The following SPNS2 variants were observed in gnomAD, a reference collection of about 807,000 sequenced individuals.
SPNS2 encodes the protein sphingosine-1-phosphate transporter SPNS2.
In SPNS2, 37 loss-of-function variants were observed where a neutral mutation model predicts 57.6. The observed-to-expected ratio is 0.64, with a 90% CI of 0.49 to 0.85. The LOEUF is 0.85. Among genes scored for constraint, SPNS2 ranks in the 40% least tolerant of loss-of-function variants. The pLI, the probability that SPNS2 is intolerant of heterozygous loss-of-function variation, is 0.00. For synonymous variants in SPNS2, 440 were observed against 346.9 expected, an observed-to-expected ratio of 1.27 and a Z score of -2.98; for missense variants, 831 against 779.1, an observed-to-expected ratio of 1.07 and a Z score of -0.79.
At position 4,530,676 on chromosome 17, in the gene SPNS2, G is replaced by C; in HGVS notation, c.618G>C (p.Gly206=). The change falls in exon 4 of 13, where the codon GGG becomes GGC. Residue 206 remains glycine (G), a synonymous_variant. Transcript: ENST00000329078. ...LVLSRGLVGI[G]EASYSTIAPT... is the part of the protein sequence containing the mutation. Reference sequence around the variant, plus strand: ...TGTCCCGGGGGCTGGTGGGCATCGGGGAGGCCAGCTACTCCACCATCGCCC... The same window carrying C: ...TGTCCCGGGGGCTGGTGGGCATCGGCGAGGCCAGCTACTCCACCATCGCCC... The C allele has an allele frequency of 6.2e-7, 1 of 1,613,742 alleles. No individual in the cohort carries two copies. The highest frequency in any genetic ancestry group is 8.5e-7 in the Non-Finnish European group (1 of 1,179,890).
intron 8 of SPNS2, 134 bp from the exon 9 acceptor site, chr17:4,533,654 A>T: frequency 9.0e-7 from 1 of 1,110,362 alleles, no homozygotes; most frequent in Non-Finnish European, 1.3e-6. Flanking sequence ...TGGATAGCCC[A>T]TGAATGGATG....
chr17:4,508,892 G>A (rs1938836711), intron 1 of SPNS2, among the ~76,000 whole-genome samples: 3 of 152,210 alleles, frequency 2.0e-5, no homozygotes, highest in Non-Finnish European at 1.5e-5. Context: ...GCACTGTCTC[G>A]GGGTCTCTAG....
intron 8 of SPNS2, 122 bp from the exon 9 acceptor site, chr17:4,533,666 G>T: frequency 8.5e-7 from 1 of 1,171,812 alleles, no homozygotes. Flanking sequence ...GAATGGATGT[G>T]GGCCCGGGAG....
Position 4,499,216 on chromosome 17 carries a change from G to T in SPNS2, c.169G>T (p.Val57Leu). ...TGGAGTCTCGGCCGCGGGCGATGAG[G>T]TGCAGACGCTGTCGGGCAGCGTAAG... ...GAGVSAAGDE[V>L]QTLSGSVRRA... The change falls in exon 1 of 13, where the codon GTG becomes TTG. Residue 57 changes from valine to leucine, a missense_variant. Val to Leu is a conservative substitution (Grantham distance 32). Around this residue, in one of 2 missense-constraint regions of SPNS2, gnomAD observed 305 missense variants for 378.3 expected, o/e 0.81. Transcript: ENST00000329078. The surrounding 1 kb of genome is among the most constrained non-coding windows in gnomAD (Gnocchi z 5.2). 1 of 1,446,850 alleles carries T rather than the reference G, an allele frequency of 6.9e-7. No homozygotes were observed. The highest frequency in any genetic ancestry group is 9.0e-7 in the Non-Finnish European group (1 of 1,105,578). 89.6% of individuals were successfully genotyped at this position (1,446,850 alleles called of 1,614,324 possible). A position where few individuals can be genotyped will look rare whatever the true frequency, so the allele number is the denominator to read the frequency against.
intron 5 of SPNS2, among the ~76,000 whole-genome samples, chr17:4,531,744 G>A (rs2144363836): frequency 6.6e-6 from 1 of 152,150 alleles, no homozygotes; most frequent in East Asian, 1.9e-4. Context: ...CAACCCAGGG[G>A]CTCCCAGTCC....
intron 1 of SPNS2, among the ~76,000 whole-genome samples, chr17:4,507,224 T>G (rs2144310233): frequency 6.6e-6 from 1 of 152,330 alleles, no homozygotes; most frequent in South Asian, 2.1e-4. Context: ...GAGCCAGCAC[T>G]GAGGCCTCCA....
chr17:4,500,600 A>G (rs1382321189), intron 1 of SPNS2, among the ~76,000 whole-genome samples: 1 of 152,164 alleles, frequency 6.6e-6, no homozygotes, highest in Admixed American at 6.5e-5. Flanking sequence ...CAACAGAGAG[A>G]GAGAGGAGAT....
rs1435790208 is a variant in SPNS2 at position 4,511,587 on chromosome 17, G to A, written c.371-1660G>A. ...GGGGCTGGGTCAGGGCACCTCAGAG[G>A]TCCCTCTTGCTGGCTCTGCCATCCA... On this transcript the variant is annotated intron_variant, in intron 1 of 12. Coordinates refer to ENST00000329078, the MANE Select transcript of SPNS2 (RefSeq NM_001124758.3). The surrounding 1 kb of genome is among the most constrained non-coding windows in gnomAD (Gnocchi z 4.6). Among the ~76,000 whole-genome samples the A allele has an allele frequency of 6.6e-6, 1 of 152,186 alleles. No individual in the cohort carries two copies. The highest frequency in any genetic ancestry group is 1.5e-5 in the Non-Finnish European group (1 of 68,024).
In SPNS2 at chr17:4,499,282, G is replaced by A. The variant is rs1371508702; in HGVS notation, c.235G>A (p.Gly79Ser). Reference sequence around the variant, plus strand: ...ACCCCCCGGCACCCCCGGCACCCCCGGCTGCGCAGCTACTGCAAAGGGCCC... The same window carrying A: ...ACCCCCCGGCACCCCCGGCACCCCCAGCTGCGCAGCTACTGCAAAGGGCCC... ...TGPPGTPGTP[G>S]CAATAKGPGA... The change falls in exon 1 of 13, where the codon GGC becomes AGC. Residue 79 changes from glycine to serine, a missense_variant. Physicochemically the swap from Gly to Ser is moderately conservative, Grantham distance 56. Around this residue, in one of 2 missense-constraint regions of SPNS2, gnomAD observed 305 missense variants for 378.3 expected, o/e 0.81. Coordinates refer to ENST00000329078, the MANE Select transcript of SPNS2 (RefSeq NM_001124758.3). The surrounding 1 kb of genome is among the most constrained non-coding windows in gnomAD (Gnocchi z 5.2). 6 of 1,489,444 alleles carry A rather than the reference G, an allele frequency of 4.0e-6. No individual in the cohort carries two copies. The highest frequency in any genetic ancestry group is 5.3e-6 in the Non-Finnish European group (6 of 1,126,556). The allele number at this position is 1,489,444 out of a possible 1,614,324, so 92.3% of individuals were successfully genotyped here. A position where few individuals can be genotyped will look rare whatever the true frequency, so the allele number is the denominator to read the frequency against.
chr17:4,533,983 C>A (rs990418900), intron 9 of SPNS2, 130 bp downstream of exon 9: 2 of 888,604 alleles, frequency 2.3e-6, no homozygotes, highest in Admixed American at 4.0e-5. Context: ...GAACGTGAAC[C>A]CAGAGGCAGG....
At chr17:4,530,992 G>T in intron 4 of SPNS2, 61 bp from the exon 5 acceptor site, 1 of 1,587,728 alleles carries the variant, frequency 6.3e-7, no homozygotes. Flanking sequence ...GCAGACCAGC[G>T]GGCACTCCCT....
chr17:4,502,965 A>C (rs1904568805), intron 1 of SPNS2, among the ~76,000 whole-genome samples: 1 of 152,140 alleles, frequency 6.6e-6, no homozygotes, highest in Non-Finnish European at 1.5e-5. Flanking sequence ...GCCCCATGAG[A>C]ACCCCCTGAG....
chr17:4,527,179 C>A (rs570834807), intron 3 of SPNS2, among the ~76,000 whole-genome samples: 12 of 152,380 alleles, frequency 7.9e-5, no homozygotes, highest in African/African-American at 2.9e-4. Flanking sequence ...ATAGGGGTTT[C>A]TGGTAGACTT....
At chr17:4,534,936 G>A (rs766857289) in intron 9 of SPNS2, among the ~76,000 whole-genome samples, 12 of 152,278 alleles carry the variant, frequency 7.9e-5, no homozygotes, top group Admixed American at 1.3e-4. Context: ...ATCGCGTCCC[G>A]GTTTATTAAG....
rs1905421117 is a variant in SPNS2, at chr17:4,530,623, T to C, written c.574-9T>C. On this transcript the variant is annotated splice_polypyrimidine_tract_variant and intron_variant, in intron 3 of 12. Coordinates refer to ENST00000329078, the MANE Select transcript of SPNS2 (RefSeq NM_001124758.3). ...TCGGTCCCCCAGCATCCTCCACCCC[T>C]CCTCACAGTACTTCTGGCTGCTGGT... The C allele has an allele frequency of 6.2e-7, 1 of 1,609,114 alleles. No individual in the cohort carries two copies. The highest frequency in any genetic ancestry group is 8.5e-7 in the Non-Finnish European group (1 of 1,177,740).
Position 4,533,276 on chromosome 17 carries a change from ATTTCTGGGCGT to A in SPNS2, c.1123_1133del (p.Phe375GlyfsTer61). 2 of 1,608,830 alleles carry A rather than the reference ATTTCTGGGCGT, an allele frequency of 1.2e-6. No homozygotes were observed. Among genetic ancestry groups the A allele is most frequent in the Non-Finnish European group, 1.7e-6 (2 of 1,177,300 alleles). ...TTGGGGCCATCACCTGCTTTACGGG[ATTTCTGGGCGT>A]GGTCACGGGGGCAGGAGCCACGCGC... On this transcript the variant is annotated frameshift_variant, in exon 8 of 13. Coordinates refer to ENST00000329078, the MANE Select transcript of SPNS2 (RefSeq NM_001124758.3). LOFTEE classifies it high-confidence loss of function.
Position 4,512,685 on chromosome 17 carries a change from T to C in SPNS2, c.371-562T>C, listed in dbSNP as rs1234734906. Among the ~76,000 whole-genome samples the C allele has an allele frequency of 6.6e-6, 1 of 150,646 alleles. No homozygotes were observed. Among genetic ancestry groups the C allele is most frequent in the Non-Finnish European group, 1.5e-5 (1 of 67,814 alleles). On this transcript the variant is annotated intron_variant, in intron 1 of 12. Coordinates refer to ENST00000329078, the MANE Select transcript of SPNS2 (RefSeq NM_001124758.3). The surrounding 1 kb of genome is among the most constrained non-coding windows in gnomAD (Gnocchi z 5.2). ...GTATGTGTGTGCGCGCGTGGGTGTG[T>C]ATGCATGTGTGCAGGTGTGTGCACA... is the stretch of plus-strand genomic sequence containing the variant.
At position 4,499,286 on chromosome 17, in the gene SPNS2, G is replaced by T. The variant is rs1381417840; in HGVS notation, c.239G>T (p.Cys80Phe). Residue 80 changes from cysteine (C) to phenylalanine (F), a missense_variant, in exon 1 of 13, where the codon TGC becomes TTC. By Grantham distance (205) the Cys-to-Phe change is radical. This residue lies in a region of SPNS2 where 305 missense variants were observed against 378.3 expected (regional missense o/e 0.81). Transcript: ENST00000329078. This position sits in a 1 kb window ranked among gnomAD's most constrained non-coding sequence, Gnocchi z 5.2. Reference sequence around the variant, plus strand: ...CCCGGCACCCCCGGCACCCCCGGCTGCGCAGCTACTGCAAAGGGCCCCGGC... The same window carrying T: ...CCCGGCACCCCCGGCACCCCCGGCTTCGCAGCTACTGCAAAGGGCCCCGGC... Reference protein sequence around the residue: ...GPPGTPGTPGCAATAKGPGAQ... With the variant: ...GPPGTPGTPGFAATAKGPGAQ... 1.3e-6 allele frequency: 2 copies of T among 1,492,148 alleles called. No homozygotes were observed. The highest frequency in any genetic ancestry group is 2.5e-5 in the South Asian group (2 of 79,628). The allele number at this position is 1,492,148 out of a possible 1,614,324, so 92.4% of individuals were successfully genotyped here. A position where few individuals can be genotyped will look rare whatever the true frequency, so the allele number is the denominator to read the frequency against.
rs1376283799 is a variant in SPNS2 at position 4,537,938 on chromosome 17, G to A, written c.*490G>A. ...GCCTCAGGGCGGCAGTCCCGGCTTTGAGGCTCACGCGAGGGCCTGGTATGC... is the reference window on the plus strand; with the variant it reads ...GCCTCAGGGCGGCAGTCCCGGCTTTAAGGCTCACGCGAGGGCCTGGTATGC... On this transcript the variant is annotated 3_prime_UTR_variant, in exon 13 of 13. Coordinates refer to ENST00000329078, the MANE Select transcript of SPNS2 (RefSeq NM_001124758.3). 1 of 385,512 alleles carries A rather than the reference G, an allele frequency of 2.6e-6. No homozygotes were observed. The highest frequency in any genetic ancestry group is 5.3e-6 in the Non-Finnish European group (1 of 189,158). The allele number at this position is 385,512 out of a possible 1,614,324, so 23.9% of individuals were successfully genotyped here. A position where few individuals can be genotyped will look rare whatever the true frequency, so the allele number is the denominator to read the frequency against.
Sources: allele counts gnomAD v4.1 joint callset (sites outside exome capture counted in the v4.1 genomes callset), GRCh38; gene constraint gnomAD v4.1.1; regional missense constraint gnomAD v4.1.1; non-coding constraint Gnocchi (gnomAD v3.1); transcripts MANE v1.5; gene names NCBI Gene and HGNC (gene_info 2026-07-23, HGNC 2026-07-21).